LPP: variants seen among roughly 807,000 people sequenced by gnomAD.
LPP encodes LIM domain containing preferred translocation partner in lipoma.
LPP carries 38 observed loss-of-function variants against 60.4 expected under a neutral mutation model. That is an observed-to-expected ratio of 0.63 (90% CI 0.49 to 0.83). The LOEUF (loss-of-function observed/expected upper bound fraction) is 0.83. Among genes scored for constraint, LPP ranks in the 40% least tolerant of loss-of-function variants. The pLI is 0.00. For missense variants in LPP, 902 were observed against 783.6 expected, an observed-to-expected ratio of 1.15 and a Z score of -1.80; for synonymous variants, 328 against 290.8, an observed-to-expected ratio of 1.13 and a Z score of -1.30.
chr3:188,689,853 T>G (rs1187547831), intron 7 of LPP, among the ~76,000 whole-genome samples: 1 of 152,162 alleles, frequency 6.6e-6, no homozygotes, highest in Non-Finnish European at 1.5e-5. Flanking sequence ...CAGAAACTAG[T>G]GAGATAAATA....
intron 1 of LPP, among the ~76,000 whole-genome samples, chr3:188,197,644 G>A (rs1042039415): frequency 6.6e-6 from 1 of 152,152 alleles, no homozygotes; most frequent in African/African-American, 2.4e-5. Context: ...CTACTTAAGA[G>A]TGAGGGTCAG....
chr3:188,719,876 A>T (rs550573752), intron 8 of LPP, among the ~76,000 whole-genome samples: 60 of 152,220 alleles, frequency 3.9e-4, no homozygotes, highest in Non-Finnish European at 5.9e-4. Context: ...TTGTTTGAAC[A>T]TCTCTGGAGT....
intron 4 of LPP, among the ~76,000 whole-genome samples, chr3:188,428,238 C>T (rs868320579): frequency 2.0e-5 from 3 of 152,160 alleles, no homozygotes; most frequent in African/African-American, 4.8e-5. Context: ...CCTCTGTGGG[C>T]TGCACCCACT....
chr3:188,387,876 A>AT (rs1778729831), intron 3 of LPP, among the ~76,000 whole-genome samples: 1 of 151,230 alleles, frequency 6.6e-6, no homozygotes, highest in Non-Finnish European at 1.5e-5. Context: ...AGAGGTGAAT[A>AT]TTTTTATGGT....
intron 8 of LPP, among the ~76,000 whole-genome samples, chr3:188,734,301 C>CA (rs1553819610): frequency 6.6e-6 from 1 of 152,146 alleles, no homozygotes; most frequent in Non-Finnish European, 1.5e-5. Context: ...TTATTTTTAT[C>CA]AAAAAATGTT....
rs77982379 is a variant in LPP, at chr3:188,524,645, G to A, written c.307-20G>A. 56 of 1,608,764 alleles carry A rather than the reference G, an allele frequency of 3.5e-5. No homozygotes were observed. The highest frequency in any genetic ancestry group is 4.7e-5 in the Non-Finnish European group (55 of 1,177,764). ...CAAGGGAAATTTCCTTTGTTAACAT[G>A]TCTGTGTTGCTTCCAACAGGGGAAT... On this transcript the variant is annotated intron_variant, in intron 5 of 11. Transcript: ENST00000617246.
Position 188,572,416 on chromosome 3 carries a change from C to A in LPP, c.430-36745C>A, listed in dbSNP as rs1833732209. Among the ~76,000 whole-genome samples the A allele has an allele frequency of 6.6e-6, 1 of 152,146 alleles. No individual in the cohort carries two copies. Among genetic ancestry groups the A allele is most frequent in the East Asian group, 1.9e-4 (1 of 5,152 alleles). ...TAGTAAGAACTCAATAAATGTTAGA[C>A]TCCTCATTAGGATTTGGGTAGAGGT... On this transcript the variant is annotated intron_variant, in intron 6 of 11. Transcript: ENST00000617246. This position sits in a 1 kb window ranked among gnomAD's most constrained non-coding sequence, Gnocchi z 4.1.
chr3:188,524,777 G>C lies in LPP; in HGVS notation c.419G>C (p.Arg140Pro). Residue 140 changes from arginine (R) to proline (P), a missense_variant, in exon 6 of 12, where the codon CGG becomes CCG. Arg to Pro is a moderately radical substitution (Grantham distance 103). Transcript: ENST00000617246. Reference sequence around the variant, plus strand: ...GAGTGCAGCTCCCCCTATAAGCCTCGGCCTCCACAGGTTAGTGCAGCCCAC... The same window carrying C: ...GAGTGCAGCTCCCCCTATAAGCCTCCGCCTCCACAGGTTAGTGCAGCCCAC... ...DLECSSPYKP[R>P]PPQSSTGSTA... 1.2e-6 allele frequency: 2 copies of C among 1,613,414 alleles called. No individual in the cohort carries two copies. Among genetic ancestry groups the C allele is most frequent in the East Asian group, 2.2e-5 (1 of 44,838 alleles).
chr3:188,655,550 A>G (rs1335520934), intron 7 of LPP, among the ~76,000 whole-genome samples: 1 of 152,168 alleles, frequency 6.6e-6, no homozygotes, highest in Non-Finnish European at 1.5e-5. Flanking sequence ...TTTTATTTTG[A>G]AGATAGTGTG....
At chr3:188,435,281 C>T (rs545779972) in intron 4 of LPP, among the ~76,000 whole-genome samples, 3 of 152,178 alleles carry the variant, frequency 2.0e-5, no homozygotes, top group Admixed American at 1.3e-4. Context: ...CCTTTGAGTT[C>T]TGTTTTTTGA....
chr3:188,736,171 TTC>T (rs1163950333), intron 8 of LPP, among the ~76,000 whole-genome samples: 1 of 152,184 alleles, frequency 6.6e-6, no homozygotes, highest in East Asian at 1.9e-4. Flanking sequence ...AGAACAGATT[TTC>T]TCTGTGCTTT....
At position 188,572,345 on chromosome 3, in the gene LPP, T is replaced by C. The variant is rs549248015; in HGVS notation, c.430-36816T>C. 1.9e-4 allele frequency among the ~76,000 whole-genome samples: 29 copies of C among 152,250 alleles called. No homozygotes were observed. The highest frequency in any genetic ancestry group is 2.6e-4 in the Non-Finnish European group (18 of 68,016). On this transcript the variant is annotated intron_variant, in intron 6 of 11. Coordinates refer to ENST00000617246, the MANE Select transcript of LPP (RefSeq NM_001375462.1). The surrounding 1 kb of genome is among the most constrained non-coding windows in gnomAD (Gnocchi z 4.1). Reference sequence around the variant, plus strand: ...TTGTTTCCGGTTTTGTAATAGCTAATGGTGTATTTTATAATCAGTAGCATC... The same window carrying C: ...TTGTTTCCGGTTTTGTAATAGCTAACGGTGTATTTTATAATCAGTAGCATC...
intron 1 of LPP, among the ~76,000 whole-genome samples, chr3:188,198,834 G>A (rs185531363): frequency 1.3e-5 from 2 of 152,278 alleles, no homozygotes; most frequent in East Asian, 1.9e-4. Context: ...AGTCACATCT[G>A]CATGGTCAGA....
intron 7 of LPP, among the ~76,000 whole-genome samples, chr3:188,673,995 T>C (rs1305808812): frequency 6.6e-6 from 1 of 152,014 alleles, no homozygotes; most frequent in Non-Finnish European, 1.5e-5. Flanking sequence ...CTTTGTAGTG[T>C]AGGGAAGAAC....
At chr3:188,242,151 A>T (rs1371514595) in intron 2 of LPP, among the ~76,000 whole-genome samples, 1 of 152,224 alleles carries the variant, frequency 6.6e-6, no homozygotes, top group Non-Finnish European at 1.5e-5. Flanking sequence ...CCTTAAATAT[A>T]TGGCACACAT....
intron 8 of LPP, among the ~76,000 whole-genome samples, chr3:188,724,529 GAC>G (rs1355147221): frequency 2.0e-5 from 3 of 152,194 alleles, no homozygotes; most frequent in African/African-American, 7.2e-5. Flanking sequence ...TGTCTGCTGA[GAC>G]AGTGTCTTTG....
chr3:188,650,794 G>A (rs903715926), intron 7 of LPP, among the ~76,000 whole-genome samples: 8 of 152,154 alleles, frequency 5.3e-5, no homozygotes, highest in Admixed American at 1.3e-4. Context: ...ATAATTCATA[G>A]GCAAAATCCA....
chr3:188,448,625 A>G (rs1211366395), intron 4 of LPP, among the ~76,000 whole-genome samples: 1 of 152,162 alleles, frequency 6.6e-6, no homozygotes, highest in Non-Finnish European at 1.5e-5. Context: ...TAGGACGTTC[A>G]GTGGGACTTG....
At chr3:188,384,743 T>C (rs1777786469) in intron 3 of LPP, among the ~76,000 whole-genome samples, 2 of 138,626 alleles carry the variant, frequency 1.4e-5, no homozygotes, top group South Asian at 2.3e-4. Flanking sequence ...TGAGCTGAGA[T>C]TGCGTCACTG....
Sources: gnomAD v4.1 joint callset for allele counts (sites outside exome capture counted in the v4.1 genomes callset) on GRCh38, gnomAD v4.1.1 for gene constraint, Gnocchi (gnomAD v3.1) non-coding constraint, MANE v1.5 for transcripts, NCBI Gene and HGNC (gene_info 2026-07-23, HGNC 2026-07-21) for gene names.